TNRC6B: variants seen among roughly 807,000 people sequenced by gnomAD.
The protein encoded by TNRC6B is trinucleotide repeat containing adaptor 6B.
Under a neutral mutation model 203.6 loss-of-function variants are expected in TNRC6B, and 52 were observed. That is an observed-to-expected ratio of 0.26 (90% CI 0.20 to 0.32). The LOEUF is 0.32. Among genes scored for constraint, TNRC6B ranks in the 10% least tolerant of loss-of-function variants. The pLI is 1.00. For synonymous variants in TNRC6B, 838 were observed against 845.7 expected, an observed-to-expected ratio of 0.99 and a Z score of 0.16; for missense variants, 1,923 against 2,286.2, an observed-to-expected ratio of 0.84 and a Z score of 3.24.
intron 12 of TNRC6B, among the ~76,000 whole-genome samples, chr22:40,298,199 C>T (rs2070971728): frequency 6.6e-6 from 1 of 151,436 alleles, no homozygotes; most frequent in South Asian, 2.1e-4. Context: ...TTAAATATTA[C>T]ATGAGGGAAC....
At chr22:40,105,203 G>A (rs1243192519) in intron 1 of TNRC6B, among the ~76,000 whole-genome samples, 2 of 152,170 alleles carry the variant, frequency 1.3e-5, no homozygotes, top group South Asian at 2.1e-4. Flanking sequence ...TTTGGGTTCC[G>A]TGATCTAATT....
intron 1 of TNRC6B, among the ~76,000 whole-genome samples, chr22:40,201,668 T>C (rs1177163484): frequency 3.3e-5 from 5 of 151,864 alleles, no homozygotes; most frequent in African/African-American, 1.2e-4. Flanking sequence ...CAAGCGATCC[T>C]CCCACCTCGG....
chr22:40,305,908 G>A (rs373999277), intron 15 of TNRC6B, among the ~76,000 whole-genome samples: 41 of 145,856 alleles, frequency 2.8e-4, no homozygotes, highest in Admixed American at 1.8e-3. Context: ...CTCTTTTTTC[G>A]CTTTTTTCTT....
At chr22:40,126,014 C>A (rs2068490124) in intron 3 of TNRC6B, among the ~76,000 whole-genome samples, 1 of 152,082 alleles carries the variant, frequency 6.6e-6, no homozygotes, top group Non-Finnish European at 1.5e-5. Flanking sequence ...TTTTTCTTTT[C>A]AGTATACTTT....
At chr22:40,046,297 A>G (rs1361011849) in intron 1 of TNRC6B, among the ~76,000 whole-genome samples, 2 of 152,220 alleles carry the variant, frequency 1.3e-5, no homozygotes, top group African/African-American at 4.8e-5. Flanking sequence ...CGGAACTTTT[A>G]GCGCATTGTC....
intron 1 of TNRC6B, among the ~76,000 whole-genome samples, chr22:40,079,584 T>TA (rs1038133655): frequency 0.012 from 1,790 of 148,454 alleles, 35 homozygotes; most frequent in African/African-American, 0.044. Context: ...TATATATATA[T>TA]TTTTTATGAT....
chr22:40,224,117 G>A (rs1415515424), intron 1 of TNRC6B, among the ~76,000 whole-genome samples: 1 of 151,928 alleles, frequency 6.6e-6, no homozygotes, highest in Middle Eastern at 3.2e-3. Context: ...AGTGATTCTC[G>A]TGCCTCAGCC....
chr22:40,313,480 C>T (rs2071214518), intron 19 of TNRC6B, among the ~76,000 whole-genome samples: 1 of 150,924 alleles, frequency 6.6e-6, no homozygotes, highest in Non-Finnish European at 1.5e-5. Flanking sequence ...TTGGTAAGTT[C>T]CTCATGGTTT....
At position 40,332,041 on chromosome 22, in the gene TNRC6B, T is replaced by A; in HGVS notation, c.*8800T>A. 1 of 173,466 alleles carries A rather than the reference T, an allele frequency of 5.8e-6. No homozygotes were observed. Among genetic ancestry groups the A allele is most frequent in the Non-Finnish European group, 1.2e-5 (1 of 81,992 alleles). 10.7% of individuals were successfully genotyped at this position (173,466 alleles called of 1,614,324 possible). On this transcript the variant is annotated 3_prime_UTR_variant, in exon 23 of 23. Transcript: ENST00000454349. ...AGTGCAGCAATGGAACTCCACAGGC[T>A]CCAGTGTTCTCTGGAAAAAGTACTC...
At chr22:40,082,495 G>T (rs1452703698) in intron 1 of TNRC6B, among the ~76,000 whole-genome samples, 2 of 152,228 alleles carry the variant, frequency 1.3e-5, no homozygotes, top group East Asian at 3.8e-4. Flanking sequence ...GGTAAACAGA[G>T]TCCATGTTGC....
At chr22:40,293,959 A>C (rs1180013154) in intron 12 of TNRC6B, among the ~76,000 whole-genome samples, 1 of 151,022 alleles carries the variant, frequency 6.6e-6, no homozygotes, top group East Asian at 1.9e-4. Flanking sequence ...AAAAAAAAAA[A>C]GGCCAGGCAC....
intron 21 of TNRC6B, among the ~76,000 whole-genome samples, chr22:40,318,419 C>A (rs1439789723): frequency 6.6e-6 from 1 of 151,908 alleles, no homozygotes; most frequent in Non-Finnish European, 1.5e-5. Context: ...TGGTGGTGAG[C>A]ACCTGTAGTC....
intron 11 of TNRC6B, 49 bp downstream of exon 11, chr22:40,281,338 G>A (rs1317467262): frequency 4.2e-6 from 6 of 1,436,732 alleles, no homozygotes; most frequent in Non-Finnish European, 5.6e-6. Flanking sequence ...GCCTCGCCTT[G>A]GTCCTGGTCT....
chr22:40,173,613 CTA>C (rs1430695722), upstream of TNRC6B, among the ~76,000 whole-genome samples: 2 of 150,090 alleles, frequency 1.3e-5, no homozygotes, highest in East Asian at 3.9e-4. Flanking sequence ...CGAGATCTCA[CTA>C]TGTTTGTTGC....
chr22:40,054,554 C>T (rs1021143419), intron 1 of TNRC6B, among the ~76,000 whole-genome samples: 4 of 152,068 alleles, frequency 2.6e-5, no homozygotes, highest in Non-Finnish European at 2.9e-5. Context: ...TAGAAGATAT[C>T]AATTGTATAA....
intron 1 of TNRC6B, among the ~76,000 whole-genome samples, chr22:40,206,781 A>T (rs1191851186): frequency 6.6e-6 from 1 of 152,148 alleles, no homozygotes; most frequent in East Asian, 1.9e-4. Flanking sequence ...TCTGTGGCGG[A>T]ACTGGCCTGA....
At chr22:40,214,480 A>G (rs1262872165) in intron 1 of TNRC6B, among the ~76,000 whole-genome samples, 4 of 151,960 alleles carry the variant, frequency 2.6e-5, no homozygotes, top group Non-Finnish European at 4.4e-5. Flanking sequence ...AGATATTACC[A>G]TTAGGGGAAA....
rs773501257 is a variant in TNRC6B, at chr22:40,331,580, T to A, written c.*8339T>A. On this transcript the variant is annotated 3_prime_UTR_variant, in exon 23 of 23. Coordinates refer to ENST00000454349, the MANE Select transcript of TNRC6B (RefSeq NM_001162501.2). ...GCGCTTTGCTCTCATTCCTCTCTCA[T>A]GGCCTTGAAATGTATTATTATGCAA... is the stretch of plus-strand genomic sequence containing the variant. 51 of 367,840 alleles carry A rather than the reference T, an allele frequency of 1.4e-4. No homozygotes were observed. Among genetic ancestry groups the A allele is most frequent in the South Asian group, 5.3e-4 (4 of 7,488 alleles). The allele number at this position is 367,840 out of a possible 1,614,324, so 22.8% of individuals were successfully genotyped here.
At chr22:40,220,481 G>A (rs992895604) in intron 1 of TNRC6B, among the ~76,000 whole-genome samples, 2 of 151,996 alleles carry the variant, frequency 1.3e-5, no homozygotes, top group African/African-American at 4.8e-5. Flanking sequence ...GTGGGGAGGA[G>A]GGGGGGAGGG....
Sources: gnomAD v4.1 joint callset for allele counts (sites outside exome capture counted in the v4.1 genomes callset) on GRCh38, gnomAD v4.1.1 for gene constraint, MANE v1.5 for transcripts, NCBI Gene and HGNC (gene_info 2026-07-23, HGNC 2026-07-21) for gene names.